The following LRRC18 variants were observed in gnomAD, a reference collection of about 807,000 sequenced individuals.
LRRC18 encodes leucine-rich repeat-containing protein 18.
In LRRC18, 12 loss-of-function variants were observed where a neutral mutation model predicts 11.2. That is an observed-to-expected ratio of 1.07 (90% CI 0.69 to 1.74). The LOEUF (loss-of-function observed/expected upper bound fraction) is 1.74, where lower values mean the gene tolerates loss of function less well. Ranked by LOEUF, LRRC18 falls within the 40% of genes most tolerant of loss-of-function variation. The pLI is 0.00. For missense variants in LRRC18, 374 were observed against 330.5 expected (o/e 1.13, Z -1.02); for synonymous variants, 155 against 130.6 (o/e 1.19, Z -1.27).
the LRRC18 span, among the ~76,000 whole-genome samples, chr10:48,939,815 TC>T: frequency 6.6e-6 from 1 of 152,200 alleles, no homozygotes; most frequent in African/African-American, 2.4e-5. Flanking sequence ...TAATGGAACT[TC>T]CTTGAAGCTG....
chr10:48,926,567 C>T, the LRRC18 span, among the ~76,000 whole-genome samples: 4 of 152,168 alleles, frequency 2.6e-5, no homozygotes, highest in African/African-American at 4.8e-5. Context: ...TGACCACAGG[C>T]AAATAAGGTC....
chr10:48,910,432 T>C (rs1837893726), intron 1 of LRRC18, among the ~76,000 whole-genome samples, 174 bp from the exon 4 acceptor site: 1 of 152,202 alleles, frequency 6.6e-6, no homozygotes, highest in Admixed American at 6.5e-5. Flanking sequence ...AAGGCTTTCC[T>C]ATGAAGTATT....
chr10:48,928,995 G>A, the LRRC18 span, among the ~76,000 whole-genome samples: 1 of 152,202 alleles, frequency 6.6e-6, no homozygotes, highest in Admixed American at 6.5e-5. Flanking sequence ...TGACAGGTGT[G>A]ATGGATGTTA....
chr10:48,922,382 A>G, the LRRC18 span, among the ~76,000 whole-genome samples: 1 of 152,196 alleles, frequency 6.6e-6, no homozygotes, highest in African/African-American at 2.4e-5. Context: ...TGCCAAAGAG[A>G]GAGATGCCTT....
the LRRC18 span, among the ~76,000 whole-genome samples, chr10:48,929,864 T>C: frequency 3.7e-4 from 57 of 152,266 alleles, 1 homozygote; most frequent in East Asian, 0.011. Flanking sequence ...TTGACAACTC[T>C]TCTTCCATCC....
the LRRC18 span, among the ~76,000 whole-genome samples, chr10:48,923,558 C>T: frequency 7.0e-6 from 1 of 142,104 alleles, no homozygotes; most frequent in Admixed American, 7.3e-5. Context: ...GCAACCCTAT[C>T]CCATGGGCCT....
upstream of LRRC18, among the ~76,000 whole-genome samples, chr10:48,914,504 A>T (rs1838319823): frequency 6.6e-6 from 1 of 152,140 alleles, no homozygotes; most frequent in South Asian, 2.1e-4. Flanking sequence ...CCGACTTATA[A>T]ATACTCTCCA....
chr10:48,930,966 C>T, the LRRC18 span, among the ~76,000 whole-genome samples: 9 of 152,154 alleles, frequency 5.9e-5, no homozygotes, highest in South Asian at 6.2e-4. Context: ...TCTGAAGGGA[C>T]GGTACTGGAC....
chr10:48,924,924 T>C, the LRRC18 span, among the ~76,000 whole-genome samples: 2 of 152,248 alleles, frequency 1.3e-5, no homozygotes, highest in African/African-American at 4.8e-5. Context: ...AATAGCTTGC[T>C]AACACAATCT....
At chr10:48,912,400 G>A (rs1338013734) in intron 1 of LRRC18, among the ~76,000 whole-genome samples, 1 of 152,182 alleles carries the variant, frequency 6.6e-6, no homozygotes, top group Non-Finnish European at 1.5e-5. Context: ...GGTGCCCAAG[G>A]GGATGCCAAG....
At chr10:48,915,771 TG>T (rs1838468084), upstream of LRRC18, among the ~76,000 whole-genome samples, 1 of 152,192 alleles carries the variant, frequency 6.6e-6, no homozygotes, top group Non-Finnish European at 1.5e-5. Context: ...GGATAGATGG[TG>T]GTCTCCACAG....
exon 1 of LRRC18, chr10:48,914,008 T>G: frequency 6.2e-7 from 1 of 1,614,200 alleles, no homozygotes; most frequent in Non-Finnish European, 8.5e-7. Flanking sequence ...TCCATGTCAC[T>G]AAGGCGCAGA....
chr10:48,919,563 G>A, the LRRC18 span, among the ~76,000 whole-genome samples: 5 of 152,338 alleles, frequency 3.3e-5, no homozygotes, highest in Non-Finnish European at 7.3e-5. Context: ...AGGCTGGGAA[G>A]TCCAAATCAA....
the LRRC18 span, among the ~76,000 whole-genome samples, chr10:48,921,774 A>C: frequency 1.3e-5 from 2 of 152,236 alleles, no homozygotes; most frequent in African/African-American, 4.8e-5. Flanking sequence ...ATTTAAAGAT[A>C]CATTTCAAGA....
chr10:48,915,462 C>G (rs1210151015), upstream of LRRC18, among the ~76,000 whole-genome samples: 1 of 151,812 alleles, frequency 6.6e-6, no homozygotes, highest in Admixed American at 6.6e-5. Flanking sequence ...AGAAGTATGC[C>G]CTTGGGAGAC....
At chr10:48,929,763 C>T in the LRRC18 span, among the ~76,000 whole-genome samples, 1 of 152,200 alleles carries the variant, frequency 6.6e-6, no homozygotes, top group Non-Finnish European at 1.5e-5. Flanking sequence ...AAGCCCAGCT[C>T]CCAGCCAGCT....
the LRRC18 span, among the ~76,000 whole-genome samples, chr10:48,937,184 G>A: frequency 1.3e-5 from 2 of 152,150 alleles, no homozygotes; most frequent in South Asian, 4.1e-4. Flanking sequence ...GTGAGCCACT[G>A]TGCCAGCCAA....
upstream of LRRC18, among the ~76,000 whole-genome samples, chr10:48,917,145 A>G (rs142739059): frequency 6.6e-6 from 1 of 152,308 alleles, no homozygotes; most frequent in African/African-American, 2.4e-5. Context: ...ATAGTAGGCT[A>G]TACCATCTAG....
chr10:48,910,130 C>T (rs79058084), exon 2 of LRRC18: 17 of 1,103,026 alleles, frequency 1.5e-5, no homozygotes, highest in Non-Finnish European at 6.9e-6. Flanking sequence ...GCCTGGTTTC[C>T]AGAACATCTC....
Sources: gnomAD v4.1 joint callset for allele counts (sites outside exome capture counted in the v4.1 genomes callset) on GRCh38, gnomAD v4.1.1 for gene constraint, MANE v1.5 for transcripts, NCBI Gene and HGNC (gene_info 2026-07-23, HGNC 2026-07-21) for gene names.